CALN1: variants seen among roughly 807,000 people sequenced by gnomAD.
The protein encoded by CALN1 is calneuron 1.
Under a neutral mutation model 30.6 loss-of-function variants are expected in CALN1, and 17 were observed. The ratio of observed to expected loss-of-function variants is 0.56; its 90% CI spans 0.38 to 0.83. The LOEUF (loss-of-function observed/expected upper bound fraction) is 0.83, where lower values mean the gene tolerates loss of function less well. Among genes scored for constraint, CALN1 ranks in the 40% least tolerant of loss-of-function variants. The pLI is 0.00. For missense variants in CALN1, 291 were observed against 354.9 expected (o/e 0.82, Z 1.45); for synonymous variants, 156 against 131.4 (o/e 1.19, Z -1.28).
intron 2 of CALN1, among the ~76,000 whole-genome samples, chr7:72,287,309 T>C (rs1046759916): frequency 8.5e-5 from 13 of 152,142 alleles, no homozygotes; most frequent in African/African-American, 1.4e-4. Flanking sequence ...TATTGTATCA[T>C]TGCTGTGCCG....
At chr7:72,410,910 A>AC (rs2129562928) in intron 1 of CALN1, among the ~76,000 whole-genome samples, 1 of 152,286 alleles carries the variant, frequency 6.6e-6, no homozygotes, top group South Asian at 2.1e-4. Context: ...GTAGGCATTA[A>AC]CCAACATGAT....
At chr7:72,335,249 C>T (rs1222794913) in intron 2 of CALN1, among the ~76,000 whole-genome samples, 1 of 152,212 alleles carries the variant, frequency 6.6e-6, no homozygotes, top group South Asian at 2.1e-4. Context: ...CCTGTTCTAG[C>T]CTCAAGACAA....
At chr7:72,439,030 G>A (rs959777136) in intron 1 of CALN1, among the ~76,000 whole-genome samples, 3 of 152,068 alleles carry the variant, frequency 2.0e-5, no homozygotes, top group Non-Finnish European at 4.4e-5. Context: ...TTGAAAATCT[G>A]CATACGACTT....
intron 3 of CALN1, among the ~76,000 whole-genome samples, chr7:72,153,055 C>G (rs1787378448): frequency 6.6e-6 from 1 of 152,220 alleles, no homozygotes. Flanking sequence ...CTGGGCTCCC[C>G]CGGCTACCAG....
At chr7:71,997,232 C>CT (rs1172718150) in intron 5 of CALN1, among the ~76,000 whole-genome samples, 7 of 141,648 alleles carry the variant, frequency 4.9e-5, no homozygotes, top group Non-Finnish European at 1.1e-4. Context: ...GATCCTGTCT[C>CT]TAAAAAAAAA....
chr7:72,437,475 G>C (rs1214068915), intron 1 of CALN1, among the ~76,000 whole-genome samples: 1 of 151,998 alleles, frequency 6.6e-6, no homozygotes, highest in Admixed American at 6.6e-5. Context: ...GCAAGGAGAA[G>C]GGTCTGTCAC....
rs574962161 is a variant in CALN1, at chr7:72,034,149, T to C, written c.389-10380A>G. Reference sequence around the variant, plus strand: ...TGGGCGTATCACAAGGTCAGGAGATTGAGACCATCCTGGCTAACACGGTGG... The same window carrying C: ...TGGGCGTATCACAAGGTCAGGAGATCGAGACCATCCTGGCTAACACGGTGG... On this transcript the variant is annotated intron_variant, in intron 4 of 6. Coordinates refer to ENST00000395275, the MANE Select transcript of CALN1 (RefSeq NM_031468.4). Among the ~76,000 whole-genome samples, 8 of 151,516 alleles carry C rather than the reference T, an allele frequency of 5.3e-5. No individual in the cohort carries two copies. The East Asian group carries it at 9.9e-4, about 19-fold the overall frequency.
chr7:72,343,762 AGTTAGAAAGGATTACTGTTTCTCTGCTGG>A (rs1802488749), intron 2 of CALN1, among the ~76,000 whole-genome samples: 1 of 152,194 alleles, frequency 6.6e-6, no homozygotes, highest in Non-Finnish European at 1.5e-5. Context: ...GGGTTTGCTG[AGTTAGAAAGGATTACTGTTTCTCTGCTGG>A]GTTAGAAAGG....
chr7:71,829,866 A>G (rs1406140319), intron 5 of CALN1, among the ~76,000 whole-genome samples: 1 of 152,212 alleles, frequency 6.6e-6, no homozygotes, highest in Non-Finnish European at 1.5e-5. Flanking sequence ...CCCATTGCAC[A>G]TCGAAGAGGA....
intron 3 of CALN1, among the ~76,000 whole-genome samples, chr7:72,268,317 G>A (rs1796729441): frequency 6.6e-6 from 1 of 152,006 alleles, no homozygotes; most frequent in Non-Finnish European, 1.5e-5. Flanking sequence ...GGTAAGCAGG[G>A]AGTTGAAGCA....
chr7:72,478,236 AAT>A, the CALN1 span, among the ~76,000 whole-genome samples: 1 of 148,452 alleles, frequency 6.7e-6, no homozygotes, highest in Non-Finnish European at 1.5e-5. Context: ...TATTTTTATA[AAT>A]ATATATGTTA....
intron 6 of CALN1, among the ~76,000 whole-genome samples, chr7:71,806,611 T>C (rs1457754327): frequency 6.6e-6 from 1 of 152,218 alleles, no homozygotes; most frequent in Non-Finnish European, 1.5e-5. Flanking sequence ...TTCCCCTTAA[T>C]TGCCCTATTG....
At chr7:72,494,824 G>A in the CALN1 span, among the ~76,000 whole-genome samples, 1 of 152,106 alleles carries the variant, frequency 6.6e-6, no homozygotes, top group Non-Finnish European at 1.5e-5. Context: ...CTATGATTGT[G>A]CCACTGCACT....
intron 5 of CALN1, among the ~76,000 whole-genome samples, chr7:71,907,346 C>A (rs13222793): frequency 0.088 from 13,451 of 152,022 alleles, 990 homozygotes; most frequent in East Asian, 0.42. Flanking sequence ...GTCAATATTA[C>A]AGATTCCTGG....
chr7:72,171,038 T>C (rs1788917496), intron 3 of CALN1, among the ~76,000 whole-genome samples: 1 of 152,118 alleles, frequency 6.6e-6, no homozygotes, highest in African/African-American at 2.4e-5. Context: ...ATGCCTATAG[T>C]CCCAACCACT....
At chr7:72,228,275 A>T (rs1793829621) in intron 3 of CALN1, among the ~76,000 whole-genome samples, 1 of 151,678 alleles carries the variant, frequency 6.6e-6, no homozygotes, top group South Asian at 2.1e-4. Flanking sequence ...TTCACTCAAC[A>T]TTCTGTCCTC....
At chr7:72,108,429 C>T (rs990329097) in intron 3 of CALN1, among the ~76,000 whole-genome samples, 2 of 152,186 alleles carry the variant, frequency 1.3e-5, no homozygotes, top group South Asian at 2.1e-4. Context: ...AGTGCTTCTG[C>T]CTAAAATATC....
At chr7:72,011,157 A>C (rs1458200464) in intron 5 of CALN1, among the ~76,000 whole-genome samples, 1 of 152,164 alleles carries the variant, frequency 6.6e-6, no homozygotes, top group East Asian at 1.9e-4. Context: ...GTCAAAAAAA[A>C]AAGAAAAAAA....
intron 5 of CALN1, among the ~76,000 whole-genome samples, chr7:71,840,715 T>C (rs1474795159): frequency 6.6e-6 from 1 of 151,966 alleles, no homozygotes; most frequent in African/African-American, 2.4e-5. Context: ...ATAATACTAA[T>C]GAATAGGACA....
Sources: allele counts gnomAD v4.1 joint callset (sites outside exome capture counted in the v4.1 genomes callset), GRCh38; gene constraint gnomAD v4.1.1; transcripts MANE v1.5; gene names NCBI Gene and HGNC (gene_info 2026-07-23, HGNC 2026-07-21).